Variants in DARS2 observed in about 807,000 individuals in gnomAD.
DARS2 encodes aspartate--tRNA ligase, mitochondrial.
DARS2 carries 63 observed loss-of-function variants against 83.0 expected under a neutral mutation model. The ratio of observed to expected loss-of-function variants is 0.76; its 90% CI spans 0.62 to 0.94. DARS2 has a LOEUF of 0.94. Ranked by LOEUF, DARS2 falls within the 40% of genes least tolerant of loss-of-function variation. DARS2 has a pLI of 0.00. For missense variants in DARS2, 675 were observed against 774.4 expected (o/e 0.87, Z 1.52); for synonymous variants, 250 against 269.3 (o/e 0.93, Z 0.70).
At chr1:173,831,299 A>G (rs1258107076) in intron 4 of DARS2, among the ~76,000 whole-genome samples, 1 of 150,146 alleles carries the variant, frequency 6.7e-6, no homozygotes, top group Non-Finnish European at 1.5e-5. Context: ...CTCCTGTCTC[A>G]GCCTCCCAAG....
chr1:173,825,538 C>G (rs1367448275), intron 1 of DARS2, among the ~76,000 whole-genome samples, 182 bp downstream of exon 1: 1 of 151,458 alleles, frequency 6.6e-6, no homozygotes, highest in Non-Finnish European at 1.5e-5. Context: ...GCGCGATCTC[C>G]GCTCACTGCA....
At chr1:173,845,950 G>A (rs1248545125) in intron 12 of DARS2, among the ~76,000 whole-genome samples, 3 of 152,202 alleles carry the variant, frequency 2.0e-5, no homozygotes, top group Non-Finnish European at 4.4e-5. Context: ...GAAGTCAGGA[G>A]ATTGAGACCA....
Position 173,825,248 on chromosome 1 carries a change from T to G in DARS2, c.19T>G (p.Leu7Val). 3.1e-6 allele frequency: 5 copies of G among 1,612,974 alleles called. No individual in the cohort carries two copies. The highest frequency in any genetic ancestry group is 4.2e-6 in the Non-Finnish European group (5 of 1,179,344). The change falls in exon 1 of 17, where the codon TTA (leucine) becomes GTA (valine). Residue 7 changes from leucine (L) to valine (V), a missense_variant. Physicochemically the swap from Leu to Val is conservative, Grantham distance 32. Coordinates refer to ENST00000649689, the MANE Select transcript of DARS2 (RefSeq NM_018122.5). Reference sequence around the variant, plus strand: ...CTCCAACATGTACTTCCCTTCTTGGTTAAGTCAGCTGTACAGGGGTTTATC... The same window carrying G: ...CTCCAACATGTACTTCCCTTCTTGGGTAAGTCAGCTGTACAGGGGTTTATC... MYFPSW[L>V]SQLYRGLSRP...
chr1:173,826,768 G>A lies in DARS2; in HGVS notation c.209G>A (p.Gly70Glu). 1 of 1,612,772 alleles carries A rather than the reference G, an allele frequency of 6.2e-7. No individual in the cohort carries two copies. The highest frequency in any genetic ancestry group is 8.5e-7 in the Non-Finnish European group (1 of 1,178,966). The change falls in exon 2 of 17, where the codon GGA becomes GAA. Residue 70 changes from glycine to glutamate, a missense_variant. Transcript: ENST00000649689. Reference protein sequence around the residue: ...SHLGQEVTLCGWIQYRRQNTF... With the variant: ...SHLGQEVTLCEWIQYRRQNTF... ...TTAGGCCAAGAAGTCACCTTGTGTG[G>A]ATGGATTCAGTACCGAAGGTAAATT...
At chr1:173,845,352 T>G in intron 12 of DARS2, 61 bp downstream of exon 12, 1 of 1,034,480 alleles carries the variant, frequency 9.7e-7, no homozygotes, top group Non-Finnish European at 1.5e-6. Flanking sequence ...TAACTATTAT[T>G]AACTAAACTA....
chr1:173,853,206 G>A, intron 13 of DARS2, 143 bp from the exon 14 acceptor site: 1 of 785,840 alleles, frequency 1.3e-6, no homozygotes, highest in South Asian at 1.4e-5. Context: ...TCAGATCTTT[G>A]TGTCCTGAGA....
intron 8 of DARS2, 73 bp downstream of exon 8, chr1:173,837,119 A>G: frequency 7.6e-7 from 1 of 1,314,102 alleles, no homozygotes; most frequent in Middle Eastern, 1.8e-4. Context: ...GAAACACAAA[A>G]TCCTCTCTGT....
rs55949406 is a variant in DARS2 at position 173,825,449 on chromosome 1, CATTATTATTATTATTATT to C, written c.127+112_127+129del. 2.5e-5 allele frequency: 12 copies of C among 470,784 alleles called. 1 individual carries two copies. The highest frequency in any genetic ancestry group is 9.8e-5 in the South Asian group (3 of 30,642). The allele number at this position is 470,784 out of a possible 1,614,324, so 29.2% of individuals were successfully genotyped here. A position where few individuals can be genotyped will look rare whatever the true frequency, so the allele number is the denominator to read the frequency against. On this transcript the variant is annotated intron_variant, in intron 1 of 16. Transcript: ENST00000649689. ...TTATTCCATTTTTCATTTTTTCCCC[CATTATTATTATTATTATT>C]ATTATTATTATTATTATTTGAGACG...
chr1:173,826,081 G>A lies in DARS2; in HGVS notation c.128-606G>A, dbSNP rs948110606. On this transcript the variant is annotated intron_variant, in intron 1 of 16. Transcript: ENST00000649689. ...ACTAAAAATAAAAAAAAAATTAGCCGGGCGTGGTGGCGGGCGCCTGTAGTC... is the reference window on the plus strand; with the variant it reads ...ACTAAAAATAAAAAAAAAATTAGCCAGGCGTGGTGGCGGGCGCCTGTAGTC... 2.0e-5 allele frequency among the ~76,000 whole-genome samples: 3 copies of A among 151,750 alleles called. No individual in the cohort carries two copies. The East Asian group carries it at 5.9e-4, about 30-fold the overall frequency.
Position 173,854,000 on chromosome 1 carries a change from T to C in DARS2, c.1674+95T>C, listed in dbSNP as rs916259351. On this transcript the variant is annotated intron_variant, in intron 15 of 16. Coordinates refer to ENST00000649689, the MANE Select transcript of DARS2 (RefSeq NM_018122.5). ...TGTTGTTTGCTTGTTTGTTTTGTTT[T>C]TGAGACATTCTGTCACCCAGGCAGG... is the stretch of plus-strand genomic sequence containing the variant. 4.5e-6 allele frequency: 5 copies of C among 1,118,226 alleles called. No homozygotes were observed. In the African/African-American group the frequency reaches 7.7e-5, roughly 17 times the overall value. 69.3% of individuals were successfully genotyped at this position (1,118,226 alleles called of 1,614,324 possible). A position where few individuals can be genotyped will look rare whatever the true frequency, so the allele number is the denominator to read the frequency against.
intron 13 of DARS2, chr1:173,851,812 C>A (rs186707553): frequency 2.0e-6 from 2 of 984,586 alleles, no homozygotes; most frequent in Non-Finnish European, 1.2e-6. Context: ...TCTATATTTT[C>A]ATTTGTCATT....
chr1:173,834,640 T>A, intron 7 of DARS2, 121 bp downstream of exon 7: 1 of 584,544 alleles, frequency 1.7e-6, no homozygotes, highest in Non-Finnish European at 3.0e-6. Flanking sequence ...TCATATTAAC[T>A]AGGTTTTTCT....
Position 173,856,724 on chromosome 1 carries a change from A to C in DARS2, c.1733A>C (p.His578Pro). The change falls in exon 16 of 17, where the codon CAT becomes CCT. Residue 578 changes from histidine (H) to proline (P), a missense_variant. Transcript: ENST00000649689. The stretch of plus-strand genomic sequence containing the variant: ...GCTTTAGATTATGGGGCACCCCCTC[A>C]TGGAGGAATTGCCTTAGGTAAACAA... ...LQALDYGAPP[H>P]GGIALGLDRL... The C allele has an allele frequency of 6.2e-7, 1 of 1,613,962 alleles. No homozygotes were observed. Among genetic ancestry groups the C allele is most frequent in the Non-Finnish European group, 8.5e-7 (1 of 1,179,918 alleles).
At chr1:173,843,726 G>A (rs958564465) in intron 11 of DARS2, among the ~76,000 whole-genome samples, 7 of 152,282 alleles carry the variant, frequency 4.6e-5, no homozygotes, top group African/African-American at 1.4e-4. Flanking sequence ...AGTTTGAGGT[G>A]TACTCTTATA....
Position 173,850,331 on chromosome 1 carries a change from T to C in DARS2, c.1196T>C (p.Ile399Thr). 4 of 1,598,232 alleles carry C rather than the reference T, an allele frequency of 2.5e-6. No individual in the cohort carries two copies. Among genetic ancestry groups the C allele is most frequent in the Non-Finnish European group, 3.4e-6 (4 of 1,172,610 alleles). Residue 399 changes from isoleucine (I) to threonine (T), a missense_variant, in exon 13 of 17, where the codon ATC (isoleucine) becomes ACC (threonine). Transcript: ENST00000649689. ...NFAADHFNQEILPVFLNANRN... is the reference protein window; with the variant it reads ...NFAADHFNQETLPVFLNANRN... ...AAGTCTTTTTCTTTTACACAGGAAA[T>C]CTTACCTGTATTCCTTAACGCCAAT...
At position 173,856,728 on chromosome 1, in the gene DARS2, A is replaced by G. The variant is rs1653872077; in HGVS notation, c.1737A>G (p.Gly579=). 1.2e-6 allele frequency: 2 copies of G among 1,613,970 alleles called. No individual in the cohort carries two copies. ...QALDYGAPPH[G]GIALGLDRLI... The stretch of plus-strand genomic sequence containing the variant: ...TAGATTATGGGGCACCCCCTCATGG[A>G]GGAATTGCCTTAGGTAAACAACTTT... Residue 579 remains glycine (G), a synonymous_variant, in exon 16 of 17, where the codon GGA becomes GGG. Transcript: ENST00000649689.
chr1:173,826,654 T>A (rs1182456399), intron 1 of DARS2, 33 bp from the exon 2 acceptor site: 18 of 1,514,636 alleles, frequency 1.2e-5, no homozygotes, highest in Non-Finnish European at 1.5e-5. Context: ...TAATCTTGCC[T>A]TTTAAAGTTT....
intron 2 of DARS2, among the ~76,000 whole-genome samples, 187 bp downstream of exon 2, chr1:173,826,973 T>A (rs1003941848): frequency 6.6e-6 from 1 of 152,246 alleles, no homozygotes; most frequent in Non-Finnish European, 1.5e-5. Flanking sequence ...AGTAGACATT[T>A]TGAAAGACCC....
intron 9 of DARS2, among the ~76,000 whole-genome samples, chr1:173,838,984 C>G (rs974768732): frequency 1.1e-4 from 16 of 152,184 alleles, no homozygotes; most frequent in Non-Finnish European, 2.9e-5. Flanking sequence ...ATCCACCCGC[C>G]TCGGCCTCCC....
Sources: allele counts gnomAD v4.1 joint callset (sites outside exome capture counted in the v4.1 genomes callset), GRCh38; gene constraint gnomAD v4.1.1; transcripts MANE v1.5; gene names NCBI Gene and HGNC (gene_info 2026-07-23, HGNC 2026-07-21).